PRDM11: variants seen among roughly 807,000 people sequenced by gnomAD.
The protein encoded by PRDM11 is PR domain-containing protein 11.
A neutral mutation model predicts 97.8 loss-of-function variants in PRDM11; 20 were observed. That is an observed-to-expected ratio of 0.20 (90% CI 0.14 to 0.30). The LOEUF (loss-of-function observed/expected upper bound fraction) is 0.30, where lower values mean the gene tolerates loss of function less well. Among genes scored for constraint, PRDM11 ranks in the 10% least tolerant of loss-of-function variants. PRDM11 has a pLI of 1.00. For synonymous variants in PRDM11, 599 were observed against 637.7 expected, an observed-to-expected ratio of 0.94 and a Z score of 0.91; for missense variants, 1,139 against 1,555.2, an observed-to-expected ratio of 0.73 and a Z score of 4.50.
At chr11:45,222,116 A>G (rs904677329) in intron 6 of PRDM11, among the ~76,000 whole-genome samples, 1 of 152,220 alleles carries the variant, frequency 6.6e-6, no homozygotes, top group African/African-American at 2.4e-5. Context: ...TTAAGAATAG[A>G]TTGCATCTAA....
intron 1 of PRDM11, among the ~76,000 whole-genome samples, chr11:45,152,618 T>C (rs1851687470): frequency 6.6e-6 from 1 of 152,242 alleles, no homozygotes; most frequent in African/African-American, 2.4e-5. Flanking sequence ...AATGAGTGAA[T>C]TAATTGAGCA....
At chr11:45,156,797 C>T (rs536728273) in intron 1 of PRDM11, among the ~76,000 whole-genome samples, 16 of 152,180 alleles carry the variant, frequency 1.1e-4, no homozygotes, top group African/African-American at 3.6e-4. Flanking sequence ...GGTTAGGCCT[C>T]CCAGAGGAGG....
At chr11:45,176,299 C>A (rs577581272) in intron 1 of PRDM11, among the ~76,000 whole-genome samples, 1 of 152,214 alleles carries the variant, frequency 6.6e-6, no homozygotes, top group African/African-American at 2.4e-5. Flanking sequence ...ATCGCTTGAA[C>A]CCAGGAGGCA....
intron 1 of PRDM11, among the ~76,000 whole-genome samples, chr11:45,148,023 C>T (rs1320356358): frequency 2.0e-5 from 3 of 152,102 alleles, no homozygotes; most frequent in Non-Finnish European, 4.4e-5. Flanking sequence ...GCCCACATTT[C>T]CTCTTGGGAG....
intron 5 of PRDM11, among the ~76,000 whole-genome samples, chr11:45,209,953 G>T (rs756756763): frequency 9.2e-5 from 14 of 152,176 alleles, no homozygotes; most frequent in South Asian, 2.1e-4. Flanking sequence ...CGGAGAAGGG[G>T]AGGGGAGGCG....
intron 1 of PRDM11, among the ~76,000 whole-genome samples, chr11:45,101,419 G>A (rs1184294184): frequency 6.6e-6 from 1 of 152,136 alleles, no homozygotes; most frequent in Non-Finnish European, 1.5e-5. Flanking sequence ...AGCTGGGCAT[G>A]GTGGTCTGCA....
At position 45,231,086 on chromosome 11, in the gene PRDM11, GTGCTTGTGGCTTCTGC is replaced by G; in HGVS notation, c.*2930_*2945del. ...GGTTAGGGCATCCCTAAAACTCTGG[GTGCTTGTGGCTTCTGC>G]TGAATTTAGCCATGCCAGGGCTGTG... On this transcript the variant is annotated 3_prime_UTR_variant, in exon 8 of 8. Coordinates refer to ENST00000683152, the MANE Select transcript of PRDM11 (RefSeq NM_001384648.1). 6.6e-6 allele frequency: 1 copy of G among 152,232 alleles called. No homozygotes were observed. Among genetic ancestry groups the G allele is most frequent in the Non-Finnish European group, 1.5e-5 (1 of 68,054 alleles). The allele number at this position is 152,232 out of a possible 1,614,324, so 9.4% of individuals were successfully genotyped here. A position where few individuals can be genotyped will look rare whatever the true frequency, so the allele number is the denominator to read the frequency against.
chr11:45,136,214 C>G (rs1852839686), intron 1 of PRDM11, among the ~76,000 whole-genome samples: 1 of 152,030 alleles, frequency 6.6e-6, no homozygotes. Context: ...TTTAAAAGTT[C>G]CATTGGATTT....
At chr11:45,142,295 T>C (rs1851423672), upstream of PRDM11, among the ~76,000 whole-genome samples, 1 of 152,166 alleles carries the variant, frequency 6.6e-6, no homozygotes, top group Admixed American at 6.5e-5. Context: ...CACTGCACCC[T>C]GGGCACACTA....
chr11:45,176,375 TA>T (rs1167312045), intron 1 of PRDM11, among the ~76,000 whole-genome samples: 2 of 152,106 alleles, frequency 1.3e-5, no homozygotes, highest in Non-Finnish European at 2.9e-5. Flanking sequence ...AGACTCAATC[TA>T]AAAAAACAGA....
intron 1 of PRDM11, among the ~76,000 whole-genome samples, chr11:45,181,212 G>A (rs550472604): frequency 2.6e-5 from 4 of 152,210 alleles, no homozygotes; most frequent in African/African-American, 9.6e-5. Context: ...AGTCGGGTGG[G>A]GCTGGAGCCC....
At chr11:45,213,005 C>T (rs908905351) in intron 5 of PRDM11, 10 of 403,888 alleles carry the variant, frequency 2.5e-5, no homozygotes, top group African/African-American at 4.1e-5. Flanking sequence ...AGCCCCCACA[C>T]GGACTACCAG....
rs942244779 is a variant in PRDM11 at position 45,231,578 on chromosome 11, G to A, written c.*3419G>A. 1 of 151,918 alleles carries A rather than the reference G, an allele frequency of 6.6e-6. No homozygotes were observed. Among genetic ancestry groups the A allele is most frequent in the Non-Finnish European group, 1.5e-5 (1 of 68,026 alleles). The allele number at this position is 151,918 out of a possible 1,614,324, so 9.4% of individuals were successfully genotyped here. ...ATTAGTGACTTTCTTTGGCTCGTAG[G>A]GTTGGTGGGAAGTGAGATCAACCTT... On this transcript the variant is annotated 3_prime_UTR_variant, in exon 8 of 8. Transcript: ENST00000683152.
chr11:45,166,938 A>C (rs1852078906), intron 1 of PRDM11, among the ~76,000 whole-genome samples: 1 of 152,240 alleles, frequency 6.6e-6, no homozygotes. Context: ...ATCACTTTGA[A>C]TTCACAGATA....
chr11:45,167,780 C>T (rs1230674768), intron 1 of PRDM11, among the ~76,000 whole-genome samples: 3 of 151,498 alleles, frequency 2.0e-5, no homozygotes, highest in African/African-American at 7.3e-5. Flanking sequence ...CACACACACA[C>T]ACACACACAC....
chr11:45,162,374 G>A (rs1851951174), intron 1 of PRDM11, among the ~76,000 whole-genome samples: 1 of 152,022 alleles, frequency 6.6e-6, no homozygotes, highest in East Asian at 1.9e-4. Context: ...AAGGCTCAGA[G>A]AGGCCCAAAG....
chr11:45,211,534 G>GTGCGGTCAGATGCTTC (rs140843608), intron 5 of PRDM11, among the ~76,000 whole-genome samples: 1 of 151,862 alleles, frequency 6.6e-6, no homozygotes, highest in East Asian at 1.9e-4. Flanking sequence ...GATGGCCCCT[G>GTGCGGTCAGATGCTTC]TGGATGGGAG....
At chr11:45,099,383 G>A (rs550047989) in intron 1 of PRDM11, among the ~76,000 whole-genome samples, 6 of 150,872 alleles carry the variant, frequency 4.0e-5, no homozygotes, top group South Asian at 4.2e-4. Context: ...CTCGGGAGGC[G>A]GAGGTTGCAG....
chr11:45,177,384 G>A (rs1406420537), intron 1 of PRDM11, among the ~76,000 whole-genome samples: 3 of 152,230 alleles, frequency 2.0e-5, no homozygotes, highest in African/African-American at 7.2e-5. Flanking sequence ...CTTTTGCTGG[G>A]CAGGTAGGAC....
Sources: allele counts gnomAD v4.1 joint callset (sites outside exome capture counted in the v4.1 genomes callset), GRCh38; gene constraint gnomAD v4.1.1; transcripts MANE v1.5; gene names NCBI Gene and HGNC (gene_info 2026-07-23, HGNC 2026-07-21).